The following ZDHHC17 variants were observed in gnomAD, a reference collection of about 807,000 sequenced individuals.
ZDHHC17 encodes zDHHC palmitoyltransferase 17.
A neutral mutation model predicts 90.3 loss-of-function variants in ZDHHC17; 40 were observed. The ratio of observed to expected loss-of-function variants is 0.44; its 90% confidence interval spans 0.34 to 0.58. ZDHHC17 has a LOEUF of 0.58. Ranked by LOEUF, ZDHHC17 falls within the 20% of genes least tolerant of loss-of-function variation. The pLI, the probability that ZDHHC17 is intolerant of heterozygous loss-of-function variation, is 0.01. For synonymous variants in ZDHHC17, 235 were observed against 252.4 expected (o/e 0.93, Z 0.65); for missense variants, 614 against 780.8 (o/e 0.79, Z 2.55).
chr12:76,798,143 G>T (rs1952845075), intron 2 of ZDHHC17, among the ~76,000 whole-genome samples: 1 of 152,146 alleles, frequency 6.6e-6, no homozygotes, highest in Non-Finnish European at 1.5e-5. Flanking sequence ...GAAACCATCA[G>T]TGTGCATCCA....
chr12:76,848,925 C>T (rs1040126323), intron 15 of ZDHHC17, among the ~76,000 whole-genome samples: 1 of 151,818 alleles, frequency 6.6e-6, no homozygotes, highest in Non-Finnish European at 1.5e-5. Context: ...AAACAGACTT[C>T]ATTGTTTTTA....
At chr12:76,799,063 A>G (rs9669550) in intron 2 of ZDHHC17, among the ~76,000 whole-genome samples, 92,822 of 152,010 alleles carry the variant, frequency 0.61, 28,385 homozygotes, top group East Asian at 0.67. Context: ...CTTGTGCCTG[A>G]GAATTCGAGG....
intron 2 of ZDHHC17, among the ~76,000 whole-genome samples, chr12:76,799,567 G>A (rs940077316): frequency 2.6e-5 from 4 of 152,188 alleles, no homozygotes; most frequent in South Asian, 2.1e-4. Context: ...AGAATTCTGC[G>A]TGTTGGAGCA....
intron 1 of ZDHHC17, among the ~76,000 whole-genome samples, chr12:76,797,076 A>G (rs981339288): frequency 1.3e-5 from 2 of 151,986 alleles, no homozygotes; most frequent in African/African-American, 2.4e-5. Context: ...CATCCTGGCT[A>G]ACATGGTGAA....
intron 1 of ZDHHC17, among the ~76,000 whole-genome samples, chr12:76,765,725 G>A (rs1180293327): frequency 6.6e-6 from 1 of 152,134 alleles, no homozygotes; most frequent in African/African-American, 2.4e-5. Context: ...TTTTGAGACG[G>A]GGTTTCTCCC....
intron 10 of ZDHHC17, among the ~76,000 whole-genome samples, chr12:76,833,279 C>T (rs1953326504): frequency 6.6e-6 from 1 of 152,056 alleles, no homozygotes; most frequent in East Asian, 1.9e-4. Context: ...AATCTTAATA[C>T]CATTTTCTAA....
At chr12:76,822,033 T>G (rs958412171) in intron 7 of ZDHHC17, among the ~76,000 whole-genome samples, 1 of 152,168 alleles carries the variant, frequency 6.6e-6, no homozygotes, top group Admixed American at 6.5e-5. Flanking sequence ...CAACTTGATA[T>G]TATAGCAAGG....
Position 76,815,130 on chromosome 12 carries a change from CT to C in ZDHHC17, c.544-11del. On this transcript the variant is annotated splice_polypyrimidine_tract_variant and intron_variant, in intron 5 of 16. Coordinates refer to ENST00000426126, the MANE Select transcript of ZDHHC17 (RefSeq NM_015336.4). ...ATAATTTAACTGTCTGACTTTTTTT[CT>C]TTTTACTTTATCAGGATGTAGATAT... The C allele has an allele frequency of 6.6e-7, 1 of 1,525,320 alleles. No homozygotes were observed. Among genetic ancestry groups the C allele is most frequent in the Non-Finnish European group, 8.8e-7 (1 of 1,134,230 alleles). 94.5% of individuals were successfully genotyped at this position (1,525,320 alleles called of 1,614,324 possible).
At chr12:76,821,624 A>G (rs1374223155) in intron 7 of ZDHHC17, among the ~76,000 whole-genome samples, 1 of 152,154 alleles carries the variant, frequency 6.6e-6, no homozygotes, top group Admixed American at 6.5e-5. Context: ...AAGTAGATAA[A>G]TAGTGGAACA....
chr12:76,833,423 A>G (rs949693855), intron 10 of ZDHHC17, among the ~76,000 whole-genome samples: 1 of 152,172 alleles, frequency 6.6e-6, no homozygotes, highest in South Asian at 2.1e-4. Flanking sequence ...TCCTTATATT[A>G]TACTCTGAAT....
chr12:76,821,644 A>G (rs1439518781), intron 7 of ZDHHC17, among the ~76,000 whole-genome samples: 7 of 152,166 alleles, frequency 4.6e-5, no homozygotes, highest in African/African-American at 1.7e-4. Flanking sequence ...ACATTAAATA[A>G]ATGGAAATGT....
chr12:76,799,358 A>G (rs1952860601), intron 2 of ZDHHC17, among the ~76,000 whole-genome samples: 1 of 152,250 alleles, frequency 6.6e-6, no homozygotes, highest in Non-Finnish European at 1.5e-5. Context: ...CTTTCTTAAT[A>G]TAAAGACTTG....
At position 76,853,692 on chromosome 12, in the gene ZDHHC17, C is replaced by A. The variant is rs1244018958; in HGVS notation, c.*2707C>A. On this transcript the variant is annotated 3_prime_UTR_variant, in exon 17 of 17. Transcript: ENST00000426126. ...ATATTAATCAGAATAAATACTGACT[C>A]TTAAGTGTGTGCTTATGATTTCACT... 1 of 152,264 alleles carries A rather than the reference C, an allele frequency of 6.6e-6. No homozygotes were observed. Among genetic ancestry groups the A allele is most frequent in the Non-Finnish European group, 1.5e-5 (1 of 67,898 alleles). The allele number at this position is 152,264 out of a possible 1,614,324, so 9.4% of individuals were successfully genotyped here.
At chr12:76,767,677 A>G (rs1952446861) in intron 1 of ZDHHC17, among the ~76,000 whole-genome samples, 1 of 152,082 alleles carries the variant, frequency 6.6e-6, no homozygotes, top group South Asian at 2.1e-4. Context: ...CCCAGGGTTT[A>G]GGGAGGCCGA....
chr12:76,838,104 C>A (rs1226248942), intron 10 of ZDHHC17, among the ~76,000 whole-genome samples: 1 of 151,754 alleles, frequency 6.6e-6, no homozygotes, highest in Admixed American at 6.6e-5. Context: ...TTTCTAGAAT[C>A]ACGCTTTTCA....
In ZDHHC17 at chr12:76,815,924, AAC is replaced by A; in HGVS notation, c.679_680del (p.Thr227CysfsTer15). ...TAACCTTGGTGACAAGTATCACAAAAACACTGCTCTGCATTGGGCAGTGCTAG... is the reference window on the plus strand; with the variant it reads ...TAACCTTGGTGACAAGTATCACAAAAACTGCTCTGCATTGGGCAGTGCTAG... ...SVNLGDKYHK[N>X]TALHWAVLAG... On this transcript the variant is annotated frameshift_variant, in exon 7 of 17. Coordinates refer to ENST00000426126, the MANE Select transcript of ZDHHC17 (RefSeq NM_015336.4). LOFTEE classifies it high-confidence loss of function. 1 of 1,584,244 alleles carries A rather than the reference AAC, an allele frequency of 6.3e-7. No homozygotes were observed. The highest frequency in any genetic ancestry group is 8.6e-7 in the Non-Finnish European group (1 of 1,163,440).
intron 1 of ZDHHC17, among the ~76,000 whole-genome samples, chr12:76,795,338 A>G (rs550128869): frequency 6.6e-6 from 1 of 152,164 alleles, no homozygotes; most frequent in South Asian, 2.1e-4. Context: ...CAACCTCTTT[A>G]ACGTTGCACA....
At chr12:76,783,287 A>C (rs1952648162) in intron 1 of ZDHHC17, among the ~76,000 whole-genome samples, 1 of 152,194 alleles carries the variant, frequency 6.6e-6, no homozygotes, top group South Asian at 2.1e-4. Flanking sequence ...TTTATAAAGG[A>C]AAGAGATTTA....
intron 3 of ZDHHC17, 104 bp downstream of exon 3, chr12:76,805,543 C>CT (rs1952945817): frequency 1.9e-6 from 2 of 1,038,698 alleles, no homozygotes. Context: ...AAATTCATGG[C>CT]TTTTAGAAGA....
Sources: gnomAD v4.1 joint callset for allele counts (sites outside exome capture counted in the v4.1 genomes callset) on GRCh38, gnomAD v4.1.1 for gene constraint, MANE v1.5 for transcripts, NCBI Gene and HGNC (gene_info 2026-07-23, HGNC 2026-07-21) for gene names.